NHS: variants seen among roughly 807,000 people sequenced by gnomAD.
The protein encoded by NHS is NHS actin remodeling regulator, also known as actin remodeling regulator NHS.
NHS carries 5 observed loss-of-function variants against 72.5 expected under a neutral mutation model. The observed-to-expected ratio is 0.07, with a 90% CI of 0.04 to 0.14. The LOEUF (loss-of-function observed/expected upper bound fraction) is 0.14, where lower values mean the gene tolerates loss of function less well. Among genes scored for constraint, NHS ranks in the 10% least tolerant of loss-of-function variants. The probability of loss-of-function intolerance (pLI) is 1.00; values close to 1 mark genes in which losing one functional copy is unlikely to be tolerated. For missense variants in NHS, 1,072 were observed against 1,355.7 expected (o/e 0.79, Z 3.29); for synonymous variants, 464 against 547.7 (o/e 0.85, Z 2.13).
chrX:17,625,782 A>G (rs1412604730), intron 1 of NHS, among the ~76,000 whole-genome samples: 2 of 112,133 alleles, frequency 1.8e-5, no homozygotes, highest in Non-Finnish European at 3.8e-5. Context: ...GGTATATAAA[A>G]TCAACATAAA....
chrX:17,558,109 G>A (rs999617400), intron 1 of NHS, among the ~76,000 whole-genome samples: 1 of 112,092 alleles, frequency 8.9e-6, no homozygotes, highest in Admixed American at 9.4e-5. Flanking sequence ...GGGATCATTG[G>A]GGGAGCCCTT....
Position 17,712,290 on chromosome X carries a change from T to TATATATATAC in NHS, c.853-7053_853-7052insTATATATACA, listed in dbSNP as rs1396937988. On this transcript the variant is annotated intron_variant, in intron 3 of 8. Coordinates refer to ENST00000676302, the MANE Select transcript of NHS (RefSeq NM_001291867.2). ...ATATATATATATATATATATATATA[T>TATATATATAC]ACACACACACACACACACACATATA... Among the ~76,000 whole-genome samples, 356 of 52,877 alleles carry TATATATATAC rather than the reference T, an allele frequency of 6.7e-3. 4 individuals carry two copies. The highest frequency in any genetic ancestry group is 0.01 in the Non-Finnish European group (300 of 29,494). 45.9% of individuals were successfully genotyped at this position (52,877 alleles called of 115,157 possible).
chrX:17,539,802 T>G (rs1046305628), intron 1 of NHS, among the ~76,000 whole-genome samples: 6 of 111,947 alleles, frequency 5.4e-5, no homozygotes, highest in African/African-American at 1.3e-4. Context: ...CTCAGTGCTC[T>G]TTAATGGGGC....
rs745403160 is a variant in NHS at position 17,500,572 on chromosome X, A to G, written c.565+124250A>G. 3.6e-5 allele frequency among the ~76,000 whole-genome samples: 4 copies of G among 111,084 alleles called. No individual in the cohort carries two copies. In the South Asian group the frequency reaches 1.5e-3, roughly 43 times the overall value. ...CCTGCGGTGTCTGATTGGAACTTCC[A>G]CTCTGATCAAGCAGCAGGAGCAATA... is the stretch of plus-strand genomic sequence containing the variant. On this transcript the variant is annotated intron_variant, in intron 1 of 8. Transcript: ENST00000676302.
At chrX:17,436,342 C>T (rs1370499132) in intron 1 of NHS, among the ~76,000 whole-genome samples, 1 of 110,418 alleles carries the variant, frequency 9.1e-6, no homozygotes, top group Non-Finnish European at 1.9e-5. Flanking sequence ...AATCCCCAAT[C>T]GTTATTGGGT....
chrX:17,511,040 G>C (rs957819407), intron 1 of NHS, among the ~76,000 whole-genome samples: 6 of 111,907 alleles, frequency 5.4e-5, no homozygotes, highest in African/African-American at 1.6e-4. Flanking sequence ...AGGTGGGATT[G>C]CCTTGGCCTT....
chrX:17,434,441 ATT>A (rs1166011488), intron 1 of NHS, among the ~76,000 whole-genome samples: 10 of 91,850 alleles, frequency 1.1e-4, no homozygotes, highest in African/African-American at 8.7e-5. Context: ...CATTCAAACA[ATT>A]TTTTTTTTTT....
chrX:17,643,322 G>A (rs149365614), intron 1 of NHS, among the ~76,000 whole-genome samples: 1,427 of 109,496 alleles, frequency 0.013, 26 homozygotes, highest in African/African-American at 0.046. Flanking sequence ...AGGTTATACT[G>A]TCTGCAGGGA....
chrX:17,713,662 A>C (rs915036024), intron 3 of NHS, among the ~76,000 whole-genome samples: 4 of 111,766 alleles, frequency 3.6e-5, no homozygotes, highest in Non-Finnish European at 7.5e-5. Context: ...AGAAAGTAAA[A>C]TATGGAGTGG....
intron 1 of NHS, among the ~76,000 whole-genome samples, chrX:17,595,915 C>G (rs748938886): frequency 9.0e-6 from 1 of 111,380 alleles, no homozygotes; most frequent in Admixed American, 9.5e-5. Flanking sequence ...TCTTTAATAG[C>G]GGAAAAGTGA....
chrX:17,467,479 C>CA (rs2064875436), intron 1 of NHS, among the ~76,000 whole-genome samples: 1 of 111,828 alleles, frequency 8.9e-6, no homozygotes, highest in African/African-American at 3.3e-5. Context: ...GGAGAGGTGA[C>CA]ATTAAATTTC....
chrX:17,445,122 T>A (rs1443539407), intron 1 of NHS, among the ~76,000 whole-genome samples: 2 of 110,560 alleles, frequency 1.8e-5, no homozygotes, highest in Admixed American at 1.9e-4. Context: ...GTGGTGTAGA[T>A]CAGAGCCCCA....
chrX:17,389,934 A>T (rs1390297607), intron 1 of NHS, among the ~76,000 whole-genome samples: 1 of 110,111 alleles, frequency 9.1e-6, no homozygotes. Context: ...AAGCTAAAAT[A>T]ACATTTTTAA....
intron 1 of NHS, among the ~76,000 whole-genome samples, chrX:17,415,816 T>C (rs897055073): frequency 9.0e-6 from 1 of 110,671 alleles, no homozygotes; most frequent in Admixed American, 9.7e-5. Context: ...AGAAACAGAG[T>C]CTTCATTCTT....
intron 1 of NHS, among the ~76,000 whole-genome samples, chrX:17,411,499 A>C (rs765633857): frequency 8.9e-6 from 1 of 111,980 alleles, no homozygotes; most frequent in Non-Finnish European, 1.9e-5. Context: ...ATTTCATCAC[A>C]GTCTGTGTCA....
In NHS at chrX:17,719,116, A is replaced by C. The variant is rs2066389455; in HGVS notation, c.853-228A>C. 1.3e-5 allele frequency: 4 copies of C among 311,845 alleles called. No individual in the cohort carries two copies. In the East Asian group the frequency reaches 2.0e-4, roughly 15 times the overall value. The allele number at this position is 311,845 out of a possible 1,213,427, so 25.7% of individuals were successfully genotyped here. ...AAAGGAAAGAGGGAAGGAAGGAAAG[A>C]AGGAAGAAATAAGGAGAAGAAAGGA... is the stretch of plus-strand genomic sequence containing the variant. On this transcript the variant is annotated intron_variant, in intron 3 of 8. Coordinates refer to ENST00000676302, the MANE Select transcript of NHS (RefSeq NM_001291867.2).
chrX:17,420,219 C>T (rs1026045228), intron 1 of NHS, among the ~76,000 whole-genome samples: 2 of 111,967 alleles, frequency 1.8e-5, no homozygotes, highest in Non-Finnish European at 3.8e-5. Context: ...AAATAATTTG[C>T]CAAAGCATAT....
At chrX:17,710,547 G>A (rs1269502493) in intron 3 of NHS, among the ~76,000 whole-genome samples, 1 of 112,219 alleles carries the variant, frequency 8.9e-6, no homozygotes, top group Non-Finnish European at 1.9e-5. Context: ...GTTACCTAGT[G>A]TATAATTCCA....
chrX:17,615,248 A>G (rs755973732), intron 1 of NHS, among the ~76,000 whole-genome samples: 42 of 96,624 alleles, frequency 4.3e-4, no homozygotes, highest in Non-Finnish European at 7.0e-4. Flanking sequence ...GTATATATAT[A>G]CACATATATA....
Sources: gnomAD v4.1 joint callset for allele counts (sites outside exome capture counted in the v4.1 genomes callset) on GRCh38, gnomAD v4.1.1 for gene constraint, MANE v1.5 for transcripts, NCBI Gene and HGNC (gene_info 2026-07-23, HGNC 2026-07-21) for gene names.